The following HS6ST3 variants were observed in gnomAD, a reference collection of about 807,000 sequenced individuals.
The protein encoded by HS6ST3 is heparan sulfate 6-O-sulfotransferase 3.
A neutral mutation model predicts 36.7 loss-of-function variants in HS6ST3; 12 were observed. The observed-to-expected ratio is 0.33, with a 90% CI of 0.21 to 0.53. HS6ST3 has a LOEUF of 0.53. HS6ST3 is among the 20% of genes least tolerant of loss of function. HS6ST3 has a pLI of 0.95. For missense variants in HS6ST3, 584 were observed against 640.9 expected (o/e 0.91, Z 0.96); for synonymous variants, 240 against 257.5 (o/e 0.93, Z 0.65).
At chr13:96,570,727 T>A (rs1172931160) in intron 1 of HS6ST3, among the ~76,000 whole-genome samples, 1 of 152,038 alleles carries the variant, frequency 6.6e-6, no homozygotes, top group Non-Finnish European at 1.5e-5. Flanking sequence ...GACCAAAGAG[T>A]AGCAGAAATA....
chr13:96,333,026 A>T (rs112695992), intron 1 of HS6ST3, among the ~76,000 whole-genome samples: 12,720 of 152,260 alleles, frequency 0.084, 579 homozygotes, highest in Middle Eastern at 0.12. Flanking sequence ...ATTTACTGGC[A>T]CCTTGCTCTT....
Position 96,122,756 on chromosome 13 carries a change from G to T in HS6ST3, c.707+31187G>T, listed in dbSNP as rs1250039060. Among the ~76,000 whole-genome samples the T allele has an allele frequency of 2.6e-5, 4 of 152,116 alleles. No homozygotes were observed. The South Asian group carries it at 6.2e-4, about 24-fold the overall frequency. ...TGCTACATCAGCGTTTCGAACTGGG[G>T]CTGTGGTTATGAGGATGAGAATGAG... On this transcript the variant is annotated intron_variant, in intron 1 of 1. Transcript: ENST00000376705.
chr13:96,359,236 T>A (rs987118615), intron 1 of HS6ST3, among the ~76,000 whole-genome samples: 1 of 152,178 alleles, frequency 6.6e-6, no homozygotes, highest in Non-Finnish European at 1.5e-5. Context: ...TGTAAATGAA[T>A]ATACTTACAG....
At chr13:96,558,901 A>G (rs760096963) in intron 1 of HS6ST3, among the ~76,000 whole-genome samples, 4 of 152,148 alleles carry the variant, frequency 2.6e-5, no homozygotes, top group Admixed American at 1.3e-4. Flanking sequence ...ATATTAATTA[A>G]CTGTTGGGCA....
chr13:96,308,484 T>C lies in HS6ST3; in HGVS notation c.707+216915T>C, dbSNP rs377048575. Among the ~76,000 whole-genome samples the C allele has an allele frequency of 1.3e-4, 20 of 152,226 alleles. 2 individuals are homozygous for C. The highest frequency in any genetic ancestry group is 4.8e-4 in the African/African-American group (20 of 41,570). ...GTGGTCATTAAAATAATCAACATGG[T>C]TTCCTCTTCTCTGTAATTAATGAGT... On this transcript the variant is annotated intron_variant, in intron 1 of 1. Transcript: ENST00000376705.
chr13:96,090,604 C>G lies in HS6ST3; in HGVS notation c.-259C>G, dbSNP rs919627238. ...GGGAGCGGGCCGGCCCGGGCGCACC[C>G]GGGAGCGCAGGGCGCCCCACGCCGC... On this transcript the variant is annotated 5_prime_UTR_variant, in exon 1 of 2. Coordinates refer to ENST00000376705, the MANE Select transcript of HS6ST3 (RefSeq NM_153456.4). 6.8e-6 allele frequency among the ~76,000 whole-genome samples: 1 copy of G among 146,004 alleles called. No homozygotes were observed. Among genetic ancestry groups the G allele is most frequent in the Non-Finnish European group, 1.5e-5 (1 of 65,742 alleles).
intron 1 of HS6ST3, among the ~76,000 whole-genome samples, chr13:96,600,641 A>G (rs970838345): frequency 3.9e-5 from 6 of 151,976 alleles, no homozygotes; most frequent in African/African-American, 1.2e-4. Flanking sequence ...TACCTTTCAA[A>G]TGGGGCATTC....
intron 1 of HS6ST3, among the ~76,000 whole-genome samples, chr13:96,459,124 AAG>A (rs2055769498): frequency 7.3e-6 from 1 of 136,912 alleles, no homozygotes; most frequent in Non-Finnish European, 1.6e-5. Flanking sequence ...AAAAAAAAAA[AAG>A]AGGTGACATG....
intron 1 of HS6ST3, among the ~76,000 whole-genome samples, chr13:96,342,191 G>A (rs1341133777): frequency 7.9e-5 from 12 of 152,040 alleles, no homozygotes; most frequent in Admixed American, 7.9e-4. Context: ...GTCATTCACA[G>A]TTTGAGGTAT....
At chr13:96,502,358 G>C (rs1463146760) in intron 1 of HS6ST3, among the ~76,000 whole-genome samples, 1 of 88,546 alleles carries the variant, frequency 1.1e-5, no homozygotes, top group East Asian at 2.9e-4. Flanking sequence ...CTCTTCACGG[G>C]CTTTTTTTTT....
At chr13:96,504,561 A>T (rs2056018466) in intron 1 of HS6ST3, among the ~76,000 whole-genome samples, 1 of 152,098 alleles carries the variant, frequency 6.6e-6, no homozygotes, top group African/African-American at 2.4e-5. Context: ...ATAATAAAAA[A>T]TAAAATAAAA....
At chr13:96,311,128 A>T (rs2054938972) in intron 1 of HS6ST3, among the ~76,000 whole-genome samples, 1 of 152,232 alleles carries the variant, frequency 6.6e-6, no homozygotes, top group African/African-American at 2.4e-5. Flanking sequence ...GAAGCTATAA[A>T]ATACCACCAT....
chr13:96,123,885 C>G (rs2053938288), intron 1 of HS6ST3, among the ~76,000 whole-genome samples: 1 of 152,040 alleles, frequency 6.6e-6, no homozygotes, highest in Non-Finnish European at 1.5e-5. Flanking sequence ...GAAGCTTCTT[C>G]CAGAAAAGCT....
chr13:96,468,477 TACACACACACACACACACACACAC>T (rs3051066), intron 1 of HS6ST3, among the ~76,000 whole-genome samples: 2 of 126,292 alleles, frequency 1.6e-5, no homozygotes, highest in Non-Finnish European at 3.7e-5. Flanking sequence ...CATACACACA[TACACACACACACACACACACACAC>T]ACACACACAC....
At chr13:96,700,080 T>C (rs1875244456) in intron 1 of HS6ST3, among the ~76,000 whole-genome samples, 1 of 152,212 alleles carries the variant, frequency 6.6e-6, no homozygotes, top group South Asian at 2.1e-4. Flanking sequence ...TTCATCAGTG[T>C]ATACCTTAGA....
At chr13:96,693,357 T>G (rs1008396927) in intron 1 of HS6ST3, among the ~76,000 whole-genome samples, 1 of 152,154 alleles carries the variant, frequency 6.6e-6, no homozygotes, top group Non-Finnish European at 1.5e-5. Flanking sequence ...CAGGCTGGAG[T>G]GCAATGGCGC....
chr13:96,171,089 T>G (rs2054185660), intron 1 of HS6ST3, among the ~76,000 whole-genome samples: 1 of 152,238 alleles, frequency 6.6e-6, no homozygotes, highest in African/African-American at 2.4e-5. Context: ...GAAGCTATAT[T>G]TTTGGTGAAG....
intron 1 of HS6ST3, among the ~76,000 whole-genome samples, chr13:96,571,205 C>T (rs9584391): frequency 0.16 from 23,994 of 152,168 alleles, 2,788 homozygotes; most frequent in African/African-American, 0.33. Flanking sequence ...TCTCCAGGCA[C>T]GTTGGTCAAC....
intron 1 of HS6ST3, among the ~76,000 whole-genome samples, chr13:96,313,385 A>G (rs2054951393): frequency 6.6e-6 from 1 of 151,672 alleles, no homozygotes; most frequent in Admixed American, 6.6e-5. Flanking sequence ...TTAAATCCCT[A>G]TCATGTTTAA....
Sources: allele counts gnomAD v4.1 joint callset (sites outside exome capture counted in the v4.1 genomes callset), GRCh38; gene constraint gnomAD v4.1.1; transcripts MANE v1.5; gene names NCBI Gene and HGNC (gene_info 2026-07-23, HGNC 2026-07-21).